LPP: variants seen among roughly 807,000 people sequenced by gnomAD.
LPP encodes LIM domain containing preferred translocation partner in lipoma.
A neutral mutation model predicts 60.4 loss-of-function variants in LPP; 38 were observed. That is an observed-to-expected ratio of 0.63 (90% CI 0.49 to 0.83). The LOEUF is 0.83. Among genes scored for constraint, LPP ranks in the 40% least tolerant of loss-of-function variants. The pLI, the probability that LPP is intolerant of heterozygous loss-of-function variation, is 0.00. For missense variants in LPP, 902 were observed against 783.6 expected (o/e 1.15, Z -1.80); for synonymous variants, 328 against 290.8 (o/e 1.13, Z -1.30).
chr3:188,376,777 G>T (rs1775238578), intron 3 of LPP, among the ~76,000 whole-genome samples: 1 of 152,186 alleles, frequency 6.6e-6, no homozygotes, highest in African/African-American at 2.4e-5. Flanking sequence ...TTGCTCGCTA[G>T]TTGATGCAGT....
At chr3:188,598,925 T>G (rs1840516933) in intron 6 of LPP, among the ~76,000 whole-genome samples, 1 of 152,170 alleles carries the variant, frequency 6.6e-6, no homozygotes, top group South Asian at 2.1e-4. Flanking sequence ...CACAGTATTT[T>G]TCACTAAACC....
chr3:188,580,141 AAC>A (rs1417942848), intron 6 of LPP, among the ~76,000 whole-genome samples: 2 of 152,176 alleles, frequency 1.3e-5, no homozygotes, highest in Non-Finnish European at 2.9e-5. Context: ...ACAAGGTACC[AAC>A]ACCTATTTTA....
intron 5 of LPP, among the ~76,000 whole-genome samples, chr3:188,492,417 G>A (rs949657292): frequency 4.6e-5 from 7 of 152,054 alleles, no homozygotes; most frequent in Admixed American, 1.3e-4. Flanking sequence ...AATGTCAGCC[G>A]GGTGTGGTGG....
At chr3:188,264,556 G>T (rs993379529) in intron 2 of LPP, among the ~76,000 whole-genome samples, 1 of 152,140 alleles carries the variant, frequency 6.6e-6, no homozygotes, top group Non-Finnish European at 1.5e-5. Context: ...GGTTGGAGCT[G>T]ATTTTTAAAA....
At chr3:188,444,936 G>A (rs922240660) in intron 4 of LPP, among the ~76,000 whole-genome samples, 6 of 152,178 alleles carry the variant, frequency 3.9e-5, no homozygotes, top group African/African-American at 1.4e-4. Context: ...ACCACAATGA[G>A]ATACCATCTC....
chr3:188,380,737 T>C (rs949919163), intron 3 of LPP, among the ~76,000 whole-genome samples: 4 of 152,198 alleles, frequency 2.6e-5, no homozygotes, highest in African/African-American at 7.2e-5. Context: ...TGTGTGGAGG[T>C]GTATTTTTCT....
intron 6 of LPP, among the ~76,000 whole-genome samples, chr3:188,596,341 G>A (rs1048594819): frequency 6.6e-6 from 1 of 152,080 alleles, no homozygotes; most frequent in African/African-American, 2.4e-5. Context: ...GGTGAATAGA[G>A]CTCTTATTTG....
At chr3:188,429,764 A>T (rs189905147) in intron 4 of LPP, among the ~76,000 whole-genome samples, 131 of 152,302 alleles carry the variant, frequency 8.6e-4, no homozygotes, top group African/African-American at 3.0e-3. Flanking sequence ...TTAATGTAGT[A>T]CATCCGGAAA....
At chr3:188,297,326 C>A (rs955365746) in intron 2 of LPP, among the ~76,000 whole-genome samples, 1 of 152,154 alleles carries the variant, frequency 6.6e-6, no homozygotes, top group African/African-American at 2.4e-5. Context: ...AAATTTCAGA[C>A]TCCTTCCCTC....
chr3:188,631,995 C>T (rs1847921191), intron 7 of LPP, among the ~76,000 whole-genome samples: 1 of 152,178 alleles, frequency 6.6e-6, no homozygotes. Context: ...GCTTGGTCCC[C>T]TCCCAAGACC....
chr3:188,760,418 G>GTGTGTGTT (rs1731850175), intron 9 of LPP, 136 bp downstream of exon 9: 1 of 697,888 alleles, frequency 1.4e-6, no homozygotes, highest in Non-Finnish European at 2.4e-6. Flanking sequence ...GGGTGTGTGT[G>GTGTGTGTT]TGTGTGTGTG....
At chr3:188,497,236 G>A (rs1374495403) in intron 5 of LPP, among the ~76,000 whole-genome samples, 1 of 152,116 alleles carries the variant, frequency 6.6e-6, no homozygotes, top group East Asian at 1.9e-4. Context: ...TGACACATCA[G>A]GATGTGATTT....
At chr3:188,415,499 C>CT (rs779216842) in intron 4 of LPP, among the ~76,000 whole-genome samples, 3,757 of 146,184 alleles carry the variant, frequency 0.026, 40 homozygotes, top group African/African-American at 0.034. Context: ...TTCATAGCAA[C>CT]TTTTTTTTTT....
intron 6 of LPP, among the ~76,000 whole-genome samples, chr3:188,595,371 G>A (rs1176169098): frequency 6.6e-6 from 1 of 152,296 alleles, no homozygotes; most frequent in Non-Finnish European, 1.5e-5. Flanking sequence ...TTTCACTGGA[G>A]GAATAAGACC....
chr3:188,371,980 C>T (rs1185125777), intron 3 of LPP, among the ~76,000 whole-genome samples: 1 of 149,722 alleles, frequency 6.7e-6, no homozygotes. Context: ...TTTATAAGGG[C>T]TTTTTCTTTT....
intron 4 of LPP, among the ~76,000 whole-genome samples, chr3:188,422,280 G>A (rs765188137): frequency 6.6e-6 from 1 of 152,070 alleles, no homozygotes; most frequent in Admixed American, 6.6e-5. Context: ...ATCAAGGTTC[G>A]ACAGCACGGT....
At chr3:188,821,887 T>C (rs756496447) in intron 9 of LPP, among the ~76,000 whole-genome samples, 4 of 152,130 alleles carry the variant, frequency 2.6e-5, no homozygotes, top group South Asian at 2.1e-4. Context: ...TAAACAACTT[T>C]TGTGTGACTA....
At chr3:188,684,609 C>T (rs62290013) in intron 7 of LPP, among the ~76,000 whole-genome samples, 19,954 of 151,908 alleles carry the variant, frequency 0.13, 1,472 homozygotes, top group Non-Finnish European at 0.17. Flanking sequence ...GAAATGGAGC[C>T]GTCAGCAAAT....
chr3:188,501,434 G>C (rs185221161), intron 5 of LPP, among the ~76,000 whole-genome samples: 1 of 152,206 alleles, frequency 6.6e-6, no homozygotes, highest in Admixed American at 6.5e-5. Flanking sequence ...CCAACATAGT[G>C]AAACCCCATC....
Sources: gnomAD v4.1 joint callset for allele counts (sites outside exome capture counted in the v4.1 genomes callset) on GRCh38, gnomAD v4.1.1 for gene constraint, MANE v1.5 for transcripts, NCBI Gene and HGNC (gene_info 2026-07-23, HGNC 2026-07-21) for gene names.